Variants in AGBL4 observed in about 807,000 individuals in gnomAD.
AGBL4 encodes AGBL carboxypeptidase 4.
A neutral mutation model predicts 66.4 loss-of-function variants in AGBL4; 58 were observed. The ratio of observed to expected loss-of-function variants is 0.87; its 90% confidence interval spans 0.71 to 1.09. The LOEUF is 1.09. AGBL4 is among the 50% of genes least tolerant of loss of function. The probability of loss-of-function intolerance (pLI) is 0.00; values close to 1 mark genes in which losing one functional copy is unlikely to be tolerated. For missense variants in AGBL4, 579 were observed against 631.0 expected, an observed-to-expected ratio of 0.92 and a Z score of 0.88; for synonymous variants, 234 against 222.9, an observed-to-expected ratio of 1.05 and a Z score of -0.44.
intron 3 of AGBL4, among the ~76,000 whole-genome samples, chr1:49,655,766 T>A (rs561018984): frequency 6.6e-6 from 1 of 152,306 alleles, no homozygotes; most frequent in East Asian, 1.9e-4. Flanking sequence ...ATCCAGGAGC[T>A]GGTTTTTTGA....
intron 6 of AGBL4, among the ~76,000 whole-genome samples, chr1:48,785,802 C>A (rs2148723492): frequency 6.6e-6 from 1 of 152,274 alleles, no homozygotes; most frequent in Non-Finnish European, 1.5e-5. Flanking sequence ...GGCTGGAAGT[C>A]ACTGACTCTC....
At chr1:49,206,636 G>A (rs946956966) in intron 4 of AGBL4, among the ~76,000 whole-genome samples, 1 of 152,012 alleles carries the variant, frequency 6.6e-6, no homozygotes, top group Non-Finnish European at 1.5e-5. Context: ...CCTTCCCCCA[G>A]TGAGTAGGCT....
chr1:49,432,742 C>T (rs1332278585), intron 3 of AGBL4, among the ~76,000 whole-genome samples: 1 of 152,086 alleles, frequency 6.6e-6, no homozygotes, highest in Non-Finnish European at 1.5e-5. Flanking sequence ...TGTTCTTTCT[C>T]CCTGTTTATT....
intron 3 of AGBL4, among the ~76,000 whole-genome samples, chr1:49,668,576 G>C (rs192503697): frequency 6.6e-6 from 1 of 152,242 alleles, no homozygotes; most frequent in African/African-American, 2.4e-5. Flanking sequence ...AAATCTACCA[G>C]TAACTGCCTA....
chr1:48,541,288 C>G (rs1480519711), intron 11 of AGBL4, among the ~76,000 whole-genome samples: 1 of 152,178 alleles, frequency 6.6e-6, no homozygotes, highest in African/African-American at 2.4e-5. Context: ...TAGGTTTTCC[C>G]ACAACCTCTT....
intron 9 of AGBL4, among the ~76,000 whole-genome samples, chr1:48,616,065 A>G (rs1645313087): frequency 6.6e-6 from 1 of 152,182 alleles, no homozygotes; most frequent in Non-Finnish European, 1.5e-5. Context: ...CCACCTCTCA[A>G]TACAATTGCA....
chr1:49,526,133 G>A (rs898816696), intron 3 of AGBL4, among the ~76,000 whole-genome samples: 1 of 151,778 alleles, frequency 6.6e-6, no homozygotes, highest in Non-Finnish European at 1.5e-5. Flanking sequence ...TTAGGCCCCT[G>A]CCTTAGGATT....
intron 4 of AGBL4, among the ~76,000 whole-genome samples, chr1:49,235,879 G>C (rs767853261): frequency 1.3e-5 from 2 of 152,076 alleles, no homozygotes; most frequent in Non-Finnish European, 2.9e-5. Flanking sequence ...CTCATTCCAT[G>C]AGTTAGTAGA....
intron 9 of AGBL4, among the ~76,000 whole-genome samples, chr1:48,616,692 C>G (rs1409786601): frequency 2.6e-5 from 4 of 152,120 alleles, no homozygotes; most frequent in African/African-American, 9.7e-5. Flanking sequence ...GTGCTCTGTC[C>G]CTAGTAATTA....
At chr1:49,568,014 C>T (rs188047193) in intron 3 of AGBL4, among the ~76,000 whole-genome samples, 50 of 152,248 alleles carry the variant, frequency 3.3e-4, no homozygotes, top group Admixed American at 2.5e-3. Context: ...ACATTATACT[C>T]AATTGGCAAA....
chr1:49,973,637 T>C (rs1658321655), intron 1 of AGBL4, among the ~76,000 whole-genome samples: 1 of 148,406 alleles, frequency 6.7e-6, no homozygotes, highest in Non-Finnish European at 1.5e-5. Context: ...ATATATTATA[T>C]ATATCATAAA....
intron 1 of AGBL4, among the ~76,000 whole-genome samples, chr1:49,871,862 T>C (rs1362883762): frequency 6.6e-6 from 1 of 152,100 alleles, no homozygotes; most frequent in Admixed American, 6.6e-5. Flanking sequence ...ACTTTTGTCA[T>C]CCATAATTGT....
rs12040136 is a variant in AGBL4 at position 49,597,361 on chromosome 1, A to T, written c.282+99952T>A. ...TTAAATGATTGCAAGTCTGCAAAGG[A>T]AAAGTACAGAATGCAAGGAAAACAA... On this transcript the variant is annotated intron_variant, in intron 3 of 13. Transcript: ENST00000371839. Among the ~76,000 whole-genome samples the T allele has an allele frequency of 9.2e-5, 14 of 152,350 alleles. 1 individual carries two copies. In the East Asian group the frequency reaches 2.7e-3, roughly 29 times the overall value.
At chr1:48,587,621 ATTTAT>A (rs148361572) in intron 10 of AGBL4, among the ~76,000 whole-genome samples, 45,808 of 148,240 alleles carry the variant, frequency 0.31, 7,384 homozygotes, top group South Asian at 0.42. Flanking sequence ...TTATTATTTT[ATTTAT>A]TTTATTTTAT....
intron 6 of AGBL4, among the ~76,000 whole-genome samples, chr1:48,820,029 G>A (rs1646276180): frequency 6.6e-6 from 1 of 152,184 alleles, no homozygotes; most frequent in African/African-American, 2.4e-5. Context: ...CATGCTGATT[G>A]TCTAATTCAA....
At chr1:48,972,153 G>A (rs1480033370) in intron 5 of AGBL4, among the ~76,000 whole-genome samples, 2 of 152,004 alleles carry the variant, frequency 1.3e-5, no homozygotes, top group Non-Finnish European at 1.5e-5. Flanking sequence ...ACCTCACTTC[G>A]TACCGAGGTG....
At chr1:49,240,008 T>C (rs1041427754) in intron 4 of AGBL4, among the ~76,000 whole-genome samples, 7 of 151,968 alleles carry the variant, frequency 4.6e-5, no homozygotes, top group Non-Finnish European at 1.0e-4. Context: ...TTACAAAATA[T>C]TAATTTATAA....
intron 2 of AGBL4, among the ~76,000 whole-genome samples, chr1:49,771,221 T>C (rs1293766911): frequency 6.6e-6 from 1 of 152,176 alleles, no homozygotes; most frequent in African/African-American, 2.4e-5. Context: ...TTGTCTCAAG[T>C]AATTTTTAAT....
At chr1:49,298,966 A>C (rs2148440076) in intron 3 of AGBL4, among the ~76,000 whole-genome samples, 1 of 152,272 alleles carries the variant, frequency 6.6e-6, no homozygotes, top group Non-Finnish European at 1.5e-5. Flanking sequence ...CCCTTCCCTC[A>C]GTTACTTGCT....
Sources: gnomAD v4.1 joint callset for allele counts (sites outside exome capture counted in the v4.1 genomes callset) on GRCh38, gnomAD v4.1.1 for gene constraint, MANE v1.5 for transcripts, NCBI Gene and HGNC (gene_info 2026-07-23, HGNC 2026-07-21) for gene names.